CACNG3: variants seen among roughly 807,000 people sequenced by gnomAD.
CACNG3 encodes the protein voltage-dependent calcium channel gamma-3 subunit.
Under a neutral mutation model 28.5 loss-of-function variants are expected in CACNG3, and 3 were observed. The observed-to-expected ratio is 0.11, with a 90% CI of 0.05 to 0.27. The LOEUF (loss-of-function observed/expected upper bound fraction) is 0.27. CACNG3 is among the 10% of genes least tolerant of loss of function. CACNG3 has a pLI of 1.00. For synonymous variants in CACNG3, 174 were observed against 162.2 expected (o/e 1.07, Z -0.55); for missense variants, 236 against 414.4 (o/e 0.57, Z 3.74).
chr16:24,322,129 A>C (rs1596642416), intron 1 of CACNG3, among the ~76,000 whole-genome samples: 1 of 152,096 alleles, frequency 6.6e-6, no homozygotes, highest in Non-Finnish European at 1.5e-5. Flanking sequence ...CGGGAGGAGG[A>C]GAGCAGGGAA....
chr16:24,257,368 G>GGGGA (rs1287474223), intron 1 of CACNG3, among the ~76,000 whole-genome samples: 5 of 52,844 alleles, frequency 9.5e-5, no homozygotes, highest in Non-Finnish European at 1.1e-4. Flanking sequence ...AAGTGAGGGG[G>GGGGA]GAGAGAGAGA....
At chr16:24,263,848 A>G (rs1898564758) in intron 1 of CACNG3, among the ~76,000 whole-genome samples, 2 of 152,372 alleles carry the variant, frequency 1.3e-5, no homozygotes, top group Admixed American at 6.5e-5. Context: ...AAGACAAACA[A>G]TAAGTTAGCT....
At chr16:24,343,574 C>A (rs1389875638) in intron 1 of CACNG3, among the ~76,000 whole-genome samples, 1 of 152,158 alleles carries the variant, frequency 6.6e-6, no homozygotes, top group Non-Finnish European at 1.5e-5. Context: ...TCATTGCCAA[C>A]ATCAATAGTA....
intron 1 of CACNG3, among the ~76,000 whole-genome samples, chr16:24,308,889 A>G (rs1388313181): frequency 1.3e-5 from 2 of 151,392 alleles, no homozygotes; most frequent in Non-Finnish European, 2.9e-5. Flanking sequence ...AGAAAAAGAT[A>G]ACTAATTAAT....
At chr16:24,258,403 A>C (rs927563820) in intron 1 of CACNG3, among the ~76,000 whole-genome samples, 1 of 152,214 alleles carries the variant, frequency 6.6e-6, no homozygotes, top group Non-Finnish European at 1.5e-5. Context: ...AGACCTGGGT[A>C]ATGCTGCAAA....
chr16:24,256,895 T>C lies in CACNG3; in HGVS notation c.141T>C (p.Asp47=), dbSNP rs1464957594. 6.2e-7 allele frequency: 1 copy of C among 1,613,870 alleles called. No homozygotes were observed. The highest frequency in any genetic ancestry group is 8.5e-7 in the Non-Finnish European group (1 of 1,179,856). The change falls in exon 1 of 4, where the codon GAT becomes GAC. Residue 47 remains aspartate (D), a synonymous_variant. Coordinates refer to ENST00000005284, the MANE Select transcript of CACNG3 (RefSeq NM_006539.4). The surrounding 1 kb of genome is among the most constrained non-coding windows in gnomAD (Gnocchi z 4.6). ...TGTGCAGGACTAAATCTACAAGTGA[T>C]AATGAAACCAGCAGGAAGAATGAAG... ...RGVCRTKSTS[D]NETSRKNEEV...
chr16:24,265,839 T>G (rs112230098), intron 1 of CACNG3, among the ~76,000 whole-genome samples: 1 of 152,228 alleles, frequency 6.6e-6, no homozygotes, highest in Non-Finnish European at 1.5e-5. Context: ...ATTTTGCTGC[T>G]TGGCCTGCAA....
chr16:24,336,721 G>C (rs532751386), intron 1 of CACNG3, among the ~76,000 whole-genome samples: 1 of 126,752 alleles, frequency 7.9e-6, no homozygotes, highest in Non-Finnish European at 1.9e-5. Flanking sequence ...CCATTCATGA[G>C]GGCCCCACCC....
chr16:24,340,532 C>T (rs1429615039), intron 1 of CACNG3, among the ~76,000 whole-genome samples: 2 of 152,048 alleles, frequency 1.3e-5, no homozygotes, highest in African/African-American at 4.8e-5. Context: ...TAAATATGTA[C>T]GATTGTTACA....
At chr16:24,323,052 C>T (rs1249309711) in intron 1 of CACNG3, among the ~76,000 whole-genome samples, 4 of 151,894 alleles carry the variant, frequency 2.6e-5, no homozygotes, top group Non-Finnish European at 4.4e-5. Flanking sequence ...ATGGCAAGAG[C>T]CTGTCTCTAC....
At chr16:24,324,176 T>C (rs183155854) in intron 1 of CACNG3, among the ~76,000 whole-genome samples, 1 of 152,216 alleles carries the variant, frequency 6.6e-6, no homozygotes, top group East Asian at 1.9e-4. Flanking sequence ...AAAGCTGAAG[T>C]TCAATAAAGG....
intron 1 of CACNG3, among the ~76,000 whole-genome samples, chr16:24,265,558 A>G (rs978900500): frequency 1.1e-4 from 17 of 152,116 alleles, no homozygotes; most frequent in African/African-American, 3.9e-4. Context: ...GTGTATATAT[A>G]TATTATGATG....
At chr16:24,336,338 C>G (rs1193745882) in intron 1 of CACNG3, among the ~76,000 whole-genome samples, 1 of 150,316 alleles carries the variant, frequency 6.7e-6, no homozygotes, top group Non-Finnish European at 1.5e-5. Context: ...GTGGCGTGAT[C>G]TCAGCTCACT....
At chr16:24,333,681 AT>A (rs1476926201) in intron 1 of CACNG3, 3 of 152,272 alleles carry the variant, frequency 2.0e-5, no homozygotes, top group Admixed American at 6.5e-5. Flanking sequence ...ACAAAAAAAA[AT>A]AATTTAAAAA....
At chr16:24,325,665 G>A (rs1007446594) in intron 1 of CACNG3, among the ~76,000 whole-genome samples, 7 of 152,222 alleles carry the variant, frequency 4.6e-5, no homozygotes, top group Non-Finnish European at 5.9e-5. Context: ...AAGCCCGACA[G>A]GTAGGAAAAG....
chr16:24,293,206 T>A (rs977835281), intron 1 of CACNG3, among the ~76,000 whole-genome samples: 1 of 152,230 alleles, frequency 6.6e-6, no homozygotes. Flanking sequence ...GCCAGAAGCT[T>A]AGCTCTAGTC....
chr16:24,314,759 C>T (rs111727798), intron 1 of CACNG3, among the ~76,000 whole-genome samples: 2,366 of 150,794 alleles, frequency 0.016, 71 homozygotes, highest in African/African-American at 0.054. Flanking sequence ...CCTCCTCCTC[C>T]TCCTCCTCCT....
chr16:24,257,576 A>G (rs1208629172), intron 1 of CACNG3, among the ~76,000 whole-genome samples: 1 of 152,072 alleles, frequency 6.6e-6, no homozygotes, highest in Non-Finnish European at 1.5e-5. Flanking sequence ...CCCTACTCCC[A>G]CCCACACCCT....
intron 1 of CACNG3, among the ~76,000 whole-genome samples, chr16:24,333,925 A>G (rs1195133297): frequency 4.6e-5 from 7 of 152,318 alleles, no homozygotes; most frequent in Non-Finnish European, 2.9e-5. Flanking sequence ...CTGGGAGCAG[A>G]ACCCCAGCCT....
Sources: gnomAD v4.1 joint callset for allele counts (sites outside exome capture counted in the v4.1 genomes callset) on GRCh38, gnomAD v4.1.1 for gene constraint, Gnocchi (gnomAD v3.1) non-coding constraint, MANE v1.5 for transcripts, NCBI Gene and HGNC (gene_info 2026-07-23, HGNC 2026-07-21) for gene names.